CCDC73: variants seen among roughly 807,000 people sequenced by gnomAD.
The protein encoded by CCDC73 is coiled-coil domain-containing protein 73.
Under a neutral mutation model 116.5 loss-of-function variants are expected in CCDC73, and 95 were observed. The ratio of observed to expected loss-of-function variants is 0.82; its 90% CI spans 0.69 to 0.97. The LOEUF (loss-of-function observed/expected upper bound fraction) is 0.97. Among genes scored for constraint, CCDC73 ranks in the 50% least tolerant of loss-of-function variants. The pLI is 0.00. For synonymous variants in CCDC73, 398 were observed against 401.3 expected, an observed-to-expected ratio of 0.99 and a Z score of 0.10; for missense variants, 1,066 against 1,206.8, an observed-to-expected ratio of 0.88 and a Z score of 1.73.
chr11:32,697,967 C>T (rs1849770716), intron 6 of CCDC73, among the ~76,000 whole-genome samples: 1 of 150,416 alleles, frequency 6.6e-6, no homozygotes, highest in African/African-American at 2.5e-5. Flanking sequence ...ATCCTCCACG[C>T]TCAAGTAGGC....
intron 7 of CCDC73, among the ~76,000 whole-genome samples, chr11:32,677,133 C>T (rs944959478): frequency 2.0e-5 from 3 of 152,120 alleles, no homozygotes; most frequent in Non-Finnish European, 4.4e-5. Flanking sequence ...AAACAAAGAA[C>T]AGTATAGGCC....
intron 4 of CCDC73, among the ~76,000 whole-genome samples, chr11:32,701,514 A>G (rs1849812564): frequency 6.6e-6 from 1 of 152,104 alleles, no homozygotes; most frequent in Non-Finnish European, 1.5e-5. Flanking sequence ...CAGCCTGGGC[A>G]ATGTAGTAAG....
the CCDC73 span, among the ~76,000 whole-genome samples, chr11:32,816,782 T>A: frequency 1.3e-5 from 2 of 152,180 alleles, no homozygotes; most frequent in Admixed American, 6.5e-5. Context: ...TTTCTTTTTT[T>A]CTTTTCTTTT....
intron 9 of CCDC73, among the ~76,000 whole-genome samples, chr11:32,671,728 A>G (rs1160074898): frequency 1.3e-5 from 2 of 152,226 alleles, no homozygotes; most frequent in Admixed American, 1.3e-4. Context: ...TGAACTTTGA[A>G]GTCGCAAAGG....
the CCDC73 span, among the ~76,000 whole-genome samples, chr11:32,805,278 G>T: frequency 6.6e-6 from 1 of 152,208 alleles, no homozygotes; most frequent in Non-Finnish European, 1.5e-5. Flanking sequence ...TGCTTTTCAT[G>T]TTAATGCTAT....
rs188506428 is a variant in CCDC73 at position 32,662,600 on chromosome 11, T to A, written c.646-7628A>T. Among the ~76,000 whole-genome samples the A allele has an allele frequency of 7.1e-3, 1,085 of 152,232 alleles. 16 individuals are homozygous for A. Among genetic ancestry groups the A allele is most frequent in the African/African-American group, 0.025 (1,046 of 41,550 alleles). ...TTCTGGATATTAGCCCTTTGTCAGA[T>A]GAGTAGATTGCAAAATTTTTTTCCC... On this transcript the variant is annotated intron_variant, in intron 9 of 17. Transcript: ENST00000335185.
intron 2 of CCDC73, among the ~76,000 whole-genome samples, chr11:32,759,720 C>T (rs1055156865): frequency 6.6e-6 from 1 of 152,046 alleles, no homozygotes; most frequent in Admixed American, 6.5e-5. Flanking sequence ...CATATACTGC[C>T]TTGTTTCATT....
chr11:32,636,059 G>C (rs1215786825), intron 13 of CCDC73, among the ~76,000 whole-genome samples: 2 of 151,972 alleles, frequency 1.3e-5, no homozygotes, highest in African/African-American at 4.8e-5. Flanking sequence ...CCAATTTACA[G>C]GTAAGAAATA....
At chr11:32,710,528 T>C (rs1849889789) in intron 3 of CCDC73, among the ~76,000 whole-genome samples, 1 of 152,214 alleles carries the variant, frequency 6.6e-6, no homozygotes, top group Non-Finnish European at 1.5e-5. Flanking sequence ...TCCAATTTTA[T>C]TCCACTGTGG....
chr11:32,773,897 A>G (rs1850511017), intron 1 of CCDC73, among the ~76,000 whole-genome samples: 2 of 152,120 alleles, frequency 1.3e-5, no homozygotes, highest in Non-Finnish European at 1.5e-5. Flanking sequence ...CCTAATGTCA[A>G]TATGTAGACA....
intron 9 of CCDC73, among the ~76,000 whole-genome samples, chr11:32,674,110 T>C (rs1856063568): frequency 6.6e-6 from 1 of 152,136 alleles, no homozygotes; most frequent in Non-Finnish European, 1.5e-5. Flanking sequence ...ATGCAACCCA[T>C]ATACATAAGC....
At chr11:32,640,564 T>C (rs1411651186) in intron 13 of CCDC73, among the ~76,000 whole-genome samples, 1 of 152,196 alleles carries the variant, frequency 6.6e-6, no homozygotes, top group East Asian at 1.9e-4. Flanking sequence ...AAAATGAACA[T>C]TACTATGCTT....
At chr11:32,778,760 T>C (rs906421280) in intron 1 of CCDC73, among the ~76,000 whole-genome samples, 1 of 151,916 alleles carries the variant, frequency 6.6e-6, no homozygotes, top group African/African-American at 2.4e-5. Context: ...GATCATGCCA[T>C]TGCACTCTAG....
chr11:32,755,547 A>ATATATATATATATG lies in CCDC73; in HGVS notation c.135+4561_135+4562insCATATATATATATA, dbSNP rs1554968840. 4.9e-4 allele frequency among the ~76,000 whole-genome samples: 46 copies of ATATATATATATATG among 93,856 alleles called. 5 individuals carry two copies. In the East Asian group the frequency reaches 5.4e-3, roughly 11 times the overall value. The allele number at this position is 93,856 out of a possible 152,430, so 61.6% of individuals were successfully genotyped here. On this transcript the variant is annotated intron_variant, in intron 2 of 17. Transcript: ENST00000335185. Reference sequence around the variant, plus strand: ...AGACTCCATCTCAAAATATATATATATATATATATATATATGTACATATAT... The same window carrying ATATATATATATATG: ...AGACTCCATCTCAAAATATATATATATATATATATATATGTATATATATATATATGTACATATAT...
upstream of CCDC73, among the ~76,000 whole-genome samples, chr11:32,798,015 T>C (rs1414456083): frequency 6.6e-6 from 1 of 152,210 alleles, no homozygotes; most frequent in Non-Finnish European, 1.5e-5. Flanking sequence ...ACAAAGTTAT[T>C]AAAAATATTG....
chr11:32,639,806 G>GT (rs1443235446), intron 13 of CCDC73, among the ~76,000 whole-genome samples: 3 of 151,808 alleles, frequency 2.0e-5, no homozygotes, highest in Non-Finnish European at 4.4e-5. Context: ...TTCACTTATT[G>GT]TTTTTTTGTC....
At chr11:32,762,899 C>T (rs1414196627) in intron 1 of CCDC73, among the ~76,000 whole-genome samples, 1 of 152,164 alleles carries the variant, frequency 6.6e-6, no homozygotes, top group Non-Finnish European at 1.5e-5. Flanking sequence ...CACTCCCACC[C>T]TAATACTGCA....
At chr11:32,667,882 G>T (rs1380726538) in intron 9 of CCDC73, among the ~76,000 whole-genome samples, 2 of 152,182 alleles carry the variant, frequency 1.3e-5, no homozygotes, top group African/African-American at 4.8e-5. Context: ...TTATGTGAAT[G>T]AATTGCTTGT....
chr11:32,828,370 C>T, the CCDC73 span, among the ~76,000 whole-genome samples: 1 of 151,726 alleles, frequency 6.6e-6, no homozygotes, highest in Non-Finnish European at 1.5e-5. Flanking sequence ...ATTAGCCGGG[C>T]GTGGTGGTGG....
Sources: allele counts gnomAD v4.1 joint callset (sites outside exome capture counted in the v4.1 genomes callset), GRCh38; gene constraint gnomAD v4.1.1; transcripts MANE v1.5; gene names NCBI Gene and HGNC (gene_info 2026-07-23, HGNC 2026-07-21).